ADCK1: variants seen among roughly 807,000 people sequenced by gnomAD.
ADCK1 encodes aarF domain-containing protein kinase 1.
A neutral mutation model predicts 52.3 loss-of-function variants in ADCK1; 41 were observed. The observed-to-expected ratio is 0.78, with a 90% CI of 0.61 to 1.02. The LOEUF (loss-of-function observed/expected upper bound fraction) is 1.02, where lower values mean the gene tolerates loss of function less well. Among genes scored for constraint, ADCK1 ranks in the 50% least tolerant of loss-of-function variants. The pLI is 0.00. For missense variants in ADCK1, 658 were observed against 679.5 expected, an observed-to-expected ratio of 0.97 and a Z score of 0.35; for synonymous variants, 250 against 274.6, an observed-to-expected ratio of 0.91 and a Z score of 0.89.
intron 9 of ADCK1, among the ~76,000 whole-genome samples, chr14:77,926,563 C>A (rs931548901): frequency 6.6e-6 from 1 of 152,240 alleles, no homozygotes; most frequent in African/African-American, 2.4e-5. Flanking sequence ...TCACTGCAAC[C>A]TCTGCCTCCG....
At chr14:77,878,693 C>G (rs753657976) in intron 4 of ADCK1, among the ~76,000 whole-genome samples, 2 of 152,228 alleles carry the variant, frequency 1.3e-5, no homozygotes, top group African/African-American at 4.8e-5. Flanking sequence ...TCATACTGTA[C>G]TGTGTCCAGG....
intron 4 of ADCK1, among the ~76,000 whole-genome samples, chr14:77,866,539 A>T (rs2082665084): frequency 6.6e-6 from 1 of 152,092 alleles, no homozygotes; most frequent in Non-Finnish European, 1.5e-5. Flanking sequence ...TAATTGCTGC[A>T]GTTTCCCAAG....
intron 7 of ADCK1, among the ~76,000 whole-genome samples, chr14:77,922,479 C>T (rs910131960): frequency 3.9e-5 from 6 of 152,182 alleles, no homozygotes; most frequent in African/African-American, 7.2e-5. Context: ...TATGAGGAAT[C>T]GGGGGCGCTT....
chr14:77,872,726 G>C (rs1448590252), intron 4 of ADCK1, among the ~76,000 whole-genome samples: 1 of 150,014 alleles, frequency 6.7e-6, no homozygotes, highest in Non-Finnish European at 1.5e-5. Context: ...TTAGGCTAGA[G>C]TGCAGTGGCA....
chr14:77,896,092 T>C (rs73313147), intron 5 of ADCK1, among the ~76,000 whole-genome samples: 1,950 of 152,310 alleles, frequency 0.013, 37 homozygotes, highest in African/African-American at 0.044. Context: ...TATAATAGAC[T>C]GCTTATGATT....
At chr14:77,809,832 C>T (rs1268904172) in intron 1 of ADCK1, among the ~76,000 whole-genome samples, 1 of 151,176 alleles carries the variant, frequency 6.6e-6, no homozygotes, top group Non-Finnish European at 1.5e-5. Context: ...GCCAGGAGTT[C>T]GAGACCAGCC....
chr14:77,903,954 C>T (rs2083603269), intron 6 of ADCK1, among the ~76,000 whole-genome samples: 1 of 152,060 alleles, frequency 6.6e-6, no homozygotes, highest in Non-Finnish European at 1.5e-5. Context: ...CATAATCACC[C>T]CCATATCATC....
At chr14:77,831,030 C>T (rs528527091) in intron 3 of ADCK1, among the ~76,000 whole-genome samples, 1 of 152,292 alleles carries the variant, frequency 6.6e-6, no homozygotes, top group South Asian at 2.1e-4. Flanking sequence ...CTGATAGACA[C>T]AGGGCTGAGC....
chr14:77,835,025 G>A (rs914559166), intron 3 of ADCK1, among the ~76,000 whole-genome samples: 3 of 152,296 alleles, frequency 2.0e-5, no homozygotes, highest in Non-Finnish European at 2.9e-5. Flanking sequence ...CCTGGACTGG[G>A]TGCTTCGGAG....
chr14:77,855,634 C>T (rs762437266), intron 3 of ADCK1, among the ~76,000 whole-genome samples: 18 of 152,082 alleles, frequency 1.2e-4, no homozygotes, highest in Admixed American at 3.3e-4. Flanking sequence ...AGAAAAGAGA[C>T]CTTGCGGACA....
chr14:77,837,283 T>G (rs982881286), intron 3 of ADCK1, among the ~76,000 whole-genome samples: 3 of 151,874 alleles, frequency 2.0e-5, no homozygotes, highest in African/African-American at 4.8e-5. Context: ...ATTACAGGCA[T>G]GCATCATCAT....
chr14:77,851,134 T>C (rs1300378123), intron 3 of ADCK1, among the ~76,000 whole-genome samples: 2 of 152,010 alleles, frequency 1.3e-5, no homozygotes, highest in Admixed American at 1.3e-4. Flanking sequence ...TTTTTTTTTT[T>C]TGAGACAGAG....
chr14:77,921,729 C>G (rs1249739159), intron 7 of ADCK1, among the ~76,000 whole-genome samples: 1 of 152,146 alleles, frequency 6.6e-6, no homozygotes, highest in Non-Finnish European at 1.5e-5. Flanking sequence ...GGTGGCTCTT[C>G]TCATGTGGAT....
chr14:77,876,525 C>T (rs940443410), intron 4 of ADCK1, among the ~76,000 whole-genome samples: 10 of 152,184 alleles, frequency 6.6e-5, no homozygotes, highest in African/African-American at 2.4e-4. Context: ...TCATTTTCTG[C>T]CTACCACAGT....
At chr14:77,911,946 G>A (rs947908008) in intron 7 of ADCK1, among the ~76,000 whole-genome samples, 1 of 152,100 alleles carries the variant, frequency 6.6e-6, no homozygotes, top group Non-Finnish European at 1.5e-5. Flanking sequence ...TGTAATCACT[G>A]TCCAGATAAA....
chr14:77,914,561 G>T (rs973429213), intron 7 of ADCK1: 1 of 985,302 alleles, frequency 1.0e-6, no homozygotes, highest in Non-Finnish European at 1.2e-6. Flanking sequence ...GGTGGGGCTG[G>T]GTGAGGCTTT....
Position 77,899,098 on chromosome 14 carries a change from A to G in ADCK1, c.583-2A>G, listed in dbSNP as rs368915490. On this transcript the variant is annotated splice_acceptor_variant, in intron 5 of 10. Coordinates refer to ENST00000238561, the MANE Select transcript of ADCK1 (RefSeq NM_020421.4). LOFTEE classifies it high-confidence loss of function. ...ATGACTGGGGTGCTTGTTGGATTTC[A>G]GGTGCTCGTTCTGGCTGTGAAGCAG... is the stretch of plus-strand genomic sequence containing the variant. 1 of 1,613,300 alleles carries G rather than the reference A, an allele frequency of 6.2e-7. No homozygotes were observed. The highest frequency in any genetic ancestry group is 8.5e-7 in the Non-Finnish European group (1 of 1,179,996).
In ADCK1 at chr14:77,907,873, T is replaced by A; in HGVS notation, c.812T>A (p.Val271Asp). The change falls in exon 7 of 11, where the codon GTC becomes GAC. Residue 271 changes from valine to aspartate, a missense_variant. By Grantham distance (152) the Val-to-Asp change is radical. Transcript: ENST00000238561. ...LLMEFVDGGQ[V>D]NDRDYMERNK... The stretch of plus-strand genomic sequence containing the variant: ...ATGGAGTTTGTGGATGGCGGGCAGG[T>A]CAATGACAGAGACTACATGGAGAGG... 1 of 1,613,860 alleles carries A rather than the reference T, an allele frequency of 6.2e-7. No homozygotes were observed. Among genetic ancestry groups the A allele is most frequent in the Non-Finnish European group, 8.5e-7 (1 of 1,179,926 alleles).
chr14:77,921,343 A>G (rs1171520455), intron 7 of ADCK1, among the ~76,000 whole-genome samples: 1 of 147,424 alleles, frequency 6.8e-6, no homozygotes, highest in Non-Finnish European at 1.5e-5. Flanking sequence ...AAAAAAAAAA[A>G]AAAAAGAAAA....
Sources: allele counts gnomAD v4.1 joint callset (sites outside exome capture counted in the v4.1 genomes callset), GRCh38; gene constraint gnomAD v4.1.1; transcripts MANE v1.5; gene names NCBI Gene and HGNC (gene_info 2026-07-23, HGNC 2026-07-21).